CPT1C: variants seen among roughly 807,000 people sequenced by gnomAD.
CPT1C encodes carnitine palmitoyltransferase 1C, also known as palmitoyl thioesterase CPT1C.
Under a neutral mutation model 97.3 loss-of-function variants are expected in CPT1C, and 61 were observed. That is an observed-to-expected ratio of 0.63 (90% CI 0.51 to 0.78). The LOEUF is 0.78. Ranked by LOEUF, CPT1C falls within the 30% of genes least tolerant of loss-of-function variation. The pLI is 0.00. For missense variants in CPT1C, 975 were observed against 1,065.5 expected (o/e 0.92, Z 1.18); for synonymous variants, 469 against 447.2 (o/e 1.05, Z -0.61).
chr19:49,701,511 C>A lies in CPT1C; in HGVS notation c.570C>A (p.Val190=). Residue 190 remains valine, a synonymous_variant, in exon 7 of 20, where the codon GTC becomes GTA. Transcript: ENST00000598293. ...CTCCCCTTTAGTACCTGGAGTCGGTCCGGCCCATCCTCTCCGACGAGGACT... is the reference window on the plus strand; with the variant it reads ...CTCCCCTTTAGTACCTGGAGTCGGTACGGCCCATCCTCTCCGACGAGGACT... ...QDTVRKYLES[V]RPILSDEDFD... 1.2e-6 allele frequency: 2 copies of A among 1,609,158 alleles called. No homozygotes were observed. Among genetic ancestry groups the A allele is most frequent in the Non-Finnish European group, 1.7e-6 (2 of 1,176,688 alleles).
Position 49,710,333 on chromosome 19 carries a change from T to C in CPT1C, c.1580T>C (p.Ile527Thr). 6.2e-7 allele frequency: 1 copy of C among 1,614,026 alleles called. No individual in the cohort carries two copies. Among genetic ancestry groups the C allele is most frequent in the Non-Finnish European group, 8.5e-7 (1 of 1,179,904 alleles). Reference sequence around the variant, plus strand: ...CTCCTCTGGCAGATCCACTCCTCCATCTCTCTAGCCCTGAGGGGAGCCAAG... The same window carrying C: ...CTCCTCTGGCAGATCCACTCCTCCACCTCTCTAGCCCTGAGGGGAGCCAAG... ...WDLPDQIHSS[I>T]SLALRGAKIL... Residue 527 changes from isoleucine to threonine, a missense_variant, in exon 15 of 20, where the codon ATC becomes ACC. Ile to Thr is a moderately conservative substitution (Grantham distance 89). Coordinates refer to ENST00000598293, the MANE Select transcript of CPT1C (RefSeq NM_001199753.2).
At chr19:49,703,421 C>T (rs1000151538) in intron 7 of CPT1C, among the ~76,000 whole-genome samples, 1 of 149,686 alleles carries the variant, frequency 6.7e-6, no homozygotes, top group African/African-American at 2.5e-5. Context: ...AGGATGGTCT[C>T]GACCTCCTGA....
At chr19:49,703,234 G>T (rs2083288876) in intron 7 of CPT1C, among the ~76,000 whole-genome samples, 1 of 148,362 alleles carries the variant, frequency 6.7e-6, no homozygotes, top group Non-Finnish European at 1.5e-5. Flanking sequence ...CTTTGAGATG[G>T]AGTCTCACTC....
intron 3 of CPT1C, among the ~76,000 whole-genome samples, chr19:49,695,385 G>A (rs2123143668): frequency 6.8e-6 from 1 of 148,116 alleles, no homozygotes; most frequent in South Asian, 2.1e-4. Flanking sequence ...ATGGGTTCAA[G>A]CTATTCTCCT....
chr19:49,710,273 C>T, intron 14 of CPT1C, 47 bp from the exon 15 acceptor site: 5 of 1,591,042 alleles, frequency 3.1e-6, no homozygotes, highest in Non-Finnish European at 3.4e-6. Flanking sequence ...TTTCACCCTA[C>T]CCCCATCTGT....
Position 49,706,239 on chromosome 19 carries a change from G to A in CPT1C, c.1169G>A (p.Trp390Ter). The A allele has an allele frequency of 6.5e-7, 1 of 1,535,670 alleles. No homozygotes were observed. The highest frequency in any genetic ancestry group is 8.7e-7 in the Non-Finnish European group (1 of 1,143,516). The change falls in exon 12 of 20, where the codon TGG (tryptophan) becomes TAG (stop). Residue 390 changes from tryptophan to a stop codon, truncating the protein, a stop_gained. Coordinates refer to ENST00000598293, the MANE Select transcript of CPT1C (RefSeq NM_001199753.2). LOFTEE classifies it high-confidence loss of function. The surrounding 1 kb of genome is among the most constrained non-coding windows in gnomAD (Gnocchi z 4.8). ...CATCCCGGGCCCTCCAGGGGCACGT[G>A]GGCCCAGGTGCGGACATCCCTGAAG... is the stretch of plus-strand genomic sequence containing the variant. ...AALTAAPRGT[W>*]AQVRTSLKTQ...
chr19:49,694,359 G>A (rs552448688), intron 3 of CPT1C, among the ~76,000 whole-genome samples: 36 of 151,916 alleles, frequency 2.4e-4, no homozygotes, highest in African/African-American at 8.0e-4. Flanking sequence ...GGCCAGGTGC[G>A]GTGGCTCACG....
intron 4 of CPT1C, among the ~76,000 whole-genome samples, chr19:49,699,540 G>C (rs1423623162): frequency 6.9e-6 from 1 of 144,842 alleles, no homozygotes; most frequent in Admixed American, 7.0e-5. Context: ...AAAGTGATTT[G>C]ACCCAAGTCC....
rs1324557620 is a variant in CPT1C at position 49,699,451 on chromosome 19, T to C, written c.282-1233T>C. ...CCAGCCTGGGCAACATAGAGACCCC[T>C]GTCTCTAAAAAAAAAAAAAAAAAAA... On this transcript the variant is annotated intron_variant, in intron 4 of 19. Transcript: ENST00000598293. 5.8e-4 allele frequency among the ~76,000 whole-genome samples: 42 copies of C among 72,426 alleles called. 1 individual carries two copies. Among genetic ancestry groups the C allele is most frequent in the African/African-American group, 2.5e-3 (41 of 16,650 alleles). 47.5% of individuals were successfully genotyped at this position (72,426 alleles called of 152,430 possible).
At chr19:49,697,229 C>T in intron 3 of CPT1C, 97 bp from the exon 4 acceptor site, 1 of 1,509,236 alleles carries the variant, frequency 6.6e-7, no homozygotes, top group Non-Finnish European at 9.2e-7. Context: ...CAGCTCAGGG[C>T]TCCGCACTGG....
upstream of CPT1C, chr19:49,690,687 T>G (rs2082316401): frequency 1.9e-6 from 1 of 537,064 alleles, no homozygotes. The surrounding 1 kb of genome is among the most constrained non-coding windows in gnomAD (Gnocchi z 4.4). Flanking sequence ...CTGTCTACCT[T>G]GAATCCAACC....
At chr19:49,708,563 G>A (rs1291284967) in intron 13 of CPT1C, among the ~76,000 whole-genome samples, 160 bp from the exon 14 acceptor site, 2 of 152,170 alleles carry the variant, frequency 1.3e-5, no homozygotes, top group Non-Finnish European at 2.9e-5. Context: ...TCCTGTTCTT[G>A]ATGAACATGA....
chr19:49,701,338 G>T lies in CPT1C; in HGVS notation c.475G>T (p.Gly159Cys). Residue 159 changes from glycine (G) to cysteine (C), a missense_variant, in exon 6 of 20, where the codon GGC becomes TGC. Gly to Cys is a radical substitution (Grantham distance 159, BLOSUM62 -3). Around this residue, in one of 3 missense-constraint regions of CPT1C, gnomAD observed 596 missense variants for 603.1 expected, o/e 0.99. Coordinates refer to ENST00000598293, the MANE Select transcript of CPT1C (RefSeq NM_001199753.2). ...CCAGGCCCTGGTCCGCATCTTCTCTGGCCGCCACCCGATGCTGTTCAGTTA... is the reference window on the plus strand; with the variant it reads ...CCAGGCCCTGGTCCGCATCTTCTCTTGCCGCCACCCGATGCTGTTCAGTTA... Reference protein sequence around the residue: ...TWLALVRIFSGRHPMLFSYQR... With the variant: ...TWLALVRIFSCRHPMLFSYQR... The T allele has an allele frequency of 6.2e-7, 1 of 1,613,156 alleles. No homozygotes were observed. Among genetic ancestry groups the T allele is most frequent in the Non-Finnish European group, 8.5e-7 (1 of 1,179,864 alleles).
intron 3 of CPT1C, among the ~76,000 whole-genome samples, chr19:49,697,097 C>A (rs555469759): frequency 6.6e-6 from 1 of 152,316 alleles, no homozygotes; most frequent in East Asian, 1.9e-4. Context: ...CGAACTGTAA[C>A]TTGGCAGCAC....
intron 7 of CPT1C, 74 bp downstream of exon 7, chr19:49,701,708 T>TTA: frequency 6.8e-7 from 1 of 1,463,670 alleles, no homozygotes; most frequent in East Asian, 2.5e-5. Context: ...AACTTGCGAG[T>TTA]TATACGCCCT....
At position 49,701,507 on chromosome 19, in the gene CPT1C, C is replaced by T. The variant is rs757183786; in HGVS notation, c.566C>T (p.Ser189Leu). The T allele has an allele frequency of 1.9e-6, 3 of 1,607,154 alleles. No homozygotes were observed. Reference protein sequence around the residue: ...VQDTVRKYLESVRPILSDEDF... With the variant: ...VQDTVRKYLELVRPILSDEDF... ...TCTTCTCCCCTTTAGTACCTGGAGT[C>T]GGTCCGGCCCATCCTCTCCGACGAG... is the stretch of plus-strand genomic sequence containing the variant. Residue 189 changes from serine (S) to leucine (L), a missense_variant, in exon 7 of 20, where the codon TCG (serine) becomes TTG (leucine). Physicochemically the swap from Ser to Leu is moderately radical, Grantham distance 145. Around this residue, in one of 3 missense-constraint regions of CPT1C, gnomAD observed 596 missense variants for 603.1 expected, o/e 0.99. Transcript: ENST00000598293.
intron 7 of CPT1C, among the ~76,000 whole-genome samples, chr19:49,702,618 T>A (rs1456928414): frequency 3.8e-5 from 5 of 132,390 alleles, no homozygotes; most frequent in Admixed American, 8.0e-5. Context: ...AGACTCTGTC[T>A]CAAAAAAAAA....
chr19:49,705,122 G>T lies in CPT1C; in HGVS notation c.879+8G>T. The T allele has an allele frequency of 3.7e-6, 6 of 1,613,832 alleles. No individual in the cohort carries two copies. The highest frequency in any genetic ancestry group is 5.1e-6 in the Non-Finnish European group (6 of 1,179,754). Reference sequence around the variant, plus strand: ...CGCCAGGAGATACCCCCGGTGAGAGGGCCCCAGTGGGTTAGGGATGGAGGT... The same window carrying T: ...CGCCAGGAGATACCCCCGGTGAGAGTGCCCCAGTGGGTTAGGGATGGAGGT... On this transcript the variant is annotated splice_region_variant and intron_variant, in intron 9 of 19. Coordinates refer to ENST00000598293, the MANE Select transcript of CPT1C (RefSeq NM_001199753.2).
rs896845136 is a variant in CPT1C, at chr19:49,711,647, G to A, written c.1867-162G>A. 6 of 754,060 alleles carry A rather than the reference G, an allele frequency of 8.0e-6. No homozygotes were observed. In the Admixed American group the frequency reaches 1.5e-4, roughly 19 times the overall value. 46.7% of individuals were successfully genotyped at this position (754,060 alleles called of 1,614,324 possible). A position where few individuals can be genotyped will look rare whatever the true frequency, so the allele number is the denominator to read the frequency against. ...CCTGGCTGTGTGAACCTGGCCAAAT[G>A]ATTTCCCCTCTCTAAGCCTCAGTTC... is the stretch of plus-strand genomic sequence containing the variant. On this transcript the variant is annotated intron_variant, in intron 16 of 19. Coordinates refer to ENST00000598293, the MANE Select transcript of CPT1C (RefSeq NM_001199753.2).
Sources: allele counts gnomAD v4.1 joint callset (sites outside exome capture counted in the v4.1 genomes callset), GRCh38; gene constraint gnomAD v4.1.1; regional missense constraint gnomAD v4.1.1; non-coding constraint Gnocchi (gnomAD v3.1); transcripts MANE v1.5; gene names NCBI Gene and HGNC (gene_info 2026-07-23, HGNC 2026-07-21).